The following TUBGCP5 variants were observed in gnomAD, a reference collection of about 807,000 sequenced individuals.
The protein encoded by TUBGCP5 is tubulin gamma complex component 5, also known as gamma-tubulin complex component 5.
TUBGCP5 carries 98 observed loss-of-function variants against 134.7 expected under a neutral mutation model. The ratio of observed to expected loss-of-function variants is 0.73; its 90% CI spans 0.62 to 0.86. The LOEUF (loss-of-function observed/expected upper bound fraction) is 0.86. TUBGCP5 is among the 40% of genes least tolerant of loss of function. The pLI is 0.00. For synonymous variants in TUBGCP5, 456 were observed against 431.4 expected (o/e 1.06, Z -0.71); for missense variants, 1,150 against 1,244.8 (o/e 0.92, Z 1.15).
intron 5 of TUBGCP5, 52 bp from the exon 6 acceptor site, chr15:23,031,072 C>T (rs998629382): frequency 4.7e-6 from 7 of 1,484,594 alleles, no homozygotes; most frequent in Non-Finnish European, 6.3e-6. Context: ...ACACTTAAAG[C>T]TATTTACATT....
At chr15:23,030,391 C>A (rs1010771119) in intron 6 of TUBGCP5, among the ~76,000 whole-genome samples, 1 of 152,164 alleles carries the variant, frequency 6.6e-6, no homozygotes, top group Non-Finnish European at 1.5e-5. Context: ...CCCTCAGTAT[C>A]CAATGGGGAC....
chr15:23,021,744 A>G (rs2140548847), intron 11 of TUBGCP5, among the ~76,000 whole-genome samples: 1 of 152,344 alleles, frequency 6.6e-6, no homozygotes, highest in Non-Finnish European at 1.5e-5. Context: ...TACTTCTCAC[A>G]GCTTGCCTTG....
Position 23,011,329 on chromosome 15 carries a change from CATCTGAAACATAAAGAA to C in TUBGCP5, c.1757-15_1758del, listed in dbSNP as rs753484455. 6.2e-7 allele frequency: 1 copy of C among 1,607,226 alleles called. No individual in the cohort carries two copies. Among genetic ancestry groups the C allele is most frequent in the African/African-American group, 1.3e-5 (1 of 74,740 alleles). On this transcript the variant is annotated splice_acceptor_variant and splice_polypyrimidine_tract_variant and coding_sequence_variant and intron_variant, in exon 14 of 23. Transcript: ENST00000615383. LOFTEE classifies it high-confidence loss of function. ...AGAGTGTATAAACTTTTTCTTTCTG[CATCTGAAACATAAAGAA>C]ATATGTAAGGTGAACTAAGTTCTGT...
At chr15:23,035,309 G>A (rs1384985759) in intron 3 of TUBGCP5, among the ~76,000 whole-genome samples, 6 of 143,160 alleles carry the variant, frequency 4.2e-5, no homozygotes, top group Non-Finnish European at 7.5e-5. Flanking sequence ...AAGCCTGGGT[G>A]ACAAAGTGAC....
At chr15:23,024,376 T>G in intron 9 of TUBGCP5, 183 bp from the exon 10 acceptor site, 1 of 614,918 alleles carries the variant, frequency 1.6e-6, no homozygotes, top group Non-Finnish European at 2.5e-6. Context: ...GAACAATAAT[T>G]TCAACAGACT....
rs551371417 is a variant in TUBGCP5 at position 23,034,781 on chromosome 15, T to C, written c.310-1957A>G. 3.9e-5 allele frequency among the ~76,000 whole-genome samples: 6 copies of C among 152,042 alleles called. No homozygotes were observed. The South Asian group carries it at 1.2e-3, about 32-fold the overall frequency. On this transcript the variant is annotated intron_variant, in intron 3 of 22. Coordinates refer to ENST00000615383, the MANE Select transcript of TUBGCP5 (RefSeq NM_052903.6). Reference sequence around the variant, plus strand: ...GGCTGAGGCTGCAGTGAGCTGAGATTGCACCATTGCATTCCAGCCTGGGCA... The same window carrying C: ...GGCTGAGGCTGCAGTGAGCTGAGATCGCACCATTGCATTCCAGCCTGGGCA...
At chr15:22,995,206 T>C (rs1376062833), downstream of TUBGCP5, among the ~76,000 whole-genome samples, 1 of 151,594 alleles carries the variant, frequency 6.6e-6, no homozygotes, top group Admixed American at 6.6e-5. Flanking sequence ...ATCACACCAT[T>C]GCACTCCAGC....
Position 23,038,251 on chromosome 15 carries a change from CAT to C in TUBGCP5, c.147-1101_147-1100del, listed in dbSNP as rs570106502. ...AATAAAATTACACTACTGAAAAACA[CAT>C]GATTCTAGGCCAGTAAATGGGTGAA... On this transcript the variant is annotated intron_variant, in intron 1 of 22. Transcript: ENST00000615383. Among the ~76,000 whole-genome samples the C allele has an allele frequency of 2.2e-3, 329 of 152,216 alleles. 2 individuals carry two copies. The highest frequency in any genetic ancestry group is 4.6e-3 in the East Asian group (24 of 5,182).
intron 11 of TUBGCP5, among the ~76,000 whole-genome samples, chr15:23,020,484 G>A (rs183360705): frequency 6.6e-6 from 1 of 151,334 alleles, no homozygotes; most frequent in Non-Finnish European, 1.5e-5. Context: ...TACTCAGGGG[G>A]CTGAGGCAGA....
At chr15:22,995,886 G>A (rs1055107541), downstream of TUBGCP5, among the ~76,000 whole-genome samples, 2 of 152,102 alleles carry the variant, frequency 1.3e-5, no homozygotes, top group Non-Finnish European at 2.9e-5. Flanking sequence ...GAATAATAAC[G>A]GATCCTTTTA....
At chr15:22,988,347 C>T (rs1000559956) in intron 23 of TUBGCP5, among the ~76,000 whole-genome samples, 7 of 151,854 alleles carry the variant, frequency 4.6e-5, no homozygotes, top group African/African-American at 9.7e-5. Context: ...TGGCAGCCCC[C>T]GAAACTGAGC....
At chr15:22,994,666 A>G (rs1393327730), downstream of TUBGCP5, among the ~76,000 whole-genome samples, 1 of 152,230 alleles carries the variant, frequency 6.6e-6, no homozygotes, top group African/African-American at 2.4e-5. Flanking sequence ...CACTATAAAC[A>G]TTTGTGTACA....
intron 3 of TUBGCP5, 68 bp from the exon 4 acceptor site, chr15:23,032,892 A>C: frequency 2.5e-6 from 3 of 1,189,880 alleles, no homozygotes; most frequent in East Asian, 2.6e-5. Context: ...GATTGAGTAA[A>C]GATAACTCCA....
chr15:23,037,179 T>G, intron 1 of TUBGCP5, 27 bp from the exon 2 acceptor site: 1 of 1,609,624 alleles, frequency 6.2e-7, no homozygotes, highest in South Asian at 1.1e-5. Flanking sequence ...GCAATTCTTA[T>G]GCCAACTCTG....
At chr15:23,021,481 C>A (rs1338617676) in intron 11 of TUBGCP5, among the ~76,000 whole-genome samples, 2 of 152,154 alleles carry the variant, frequency 1.3e-5, no homozygotes, top group Non-Finnish European at 2.9e-5. Context: ...TGTGCCTGAC[C>A]CTCAGCATTT....
chr15:23,024,239 A>C, intron 9 of TUBGCP5, 46 bp from the exon 10 acceptor site: 1 of 1,589,722 alleles, frequency 6.3e-7, no homozygotes, highest in Non-Finnish European at 8.6e-7. Flanking sequence ...GTCTTCTGTA[A>C]ACATTCAAAT....
chr15:23,024,712 A>G (rs756059114), intron 9 of TUBGCP5, 25 bp downstream of exon 9: 4 of 1,203,154 alleles, frequency 3.3e-6, no homozygotes, highest in Non-Finnish European at 4.7e-6. Flanking sequence ...TATTTCTTAA[A>G]TTACCATAAA....
In TUBGCP5 at chr15:23,010,775, T is replaced by C. The variant is rs2064990109; in HGVS notation, c.1955+358A>G. On this transcript the variant is annotated intron_variant, in intron 14 of 22. Transcript: ENST00000615383. ...GGGCAGATCACCTGAGGTCAGGAGTTCGAGGCAAGCCTGGCCAACAGGAGG... is the reference window on the plus strand; with the variant it reads ...GGGCAGATCACCTGAGGTCAGGAGTCCGAGGCAAGCCTGGCCAACAGGAGG... 2.0e-5 allele frequency among the ~76,000 whole-genome samples: 3 copies of C among 152,026 alleles called. No homozygotes were observed. In the South Asian group the frequency reaches 6.2e-4, roughly 32 times the overall value.
Position 23,030,942 on chromosome 15 carries a change from T to A in TUBGCP5, c.565A>T (p.Thr189Ser). 4 of 1,613,728 alleles carry A rather than the reference T, an allele frequency of 2.5e-6. No homozygotes were observed. Among genetic ancestry groups the A allele is most frequent in the Non-Finnish European group, 3.4e-6 (4 of 1,179,886 alleles). ...REDSGIQVDR[T>S]PLEEQDQNRK... is the part of the protein sequence containing the mutation. ...TTTTGATCTTGTTCTTCTAACGGTG[T>A]CCTGTCTACCTGAATTCCAGAGTCC... The change falls in exon 6 of 23, where the codon ACA (threonine) becomes TCA (serine). Residue 189 changes from threonine (T) to serine (S), a missense_variant. Transcript: ENST00000615383.
Sources: allele counts gnomAD v4.1 joint callset (sites outside exome capture counted in the v4.1 genomes callset), GRCh38; gene constraint gnomAD v4.1.1; transcripts MANE v1.5; gene names NCBI Gene and HGNC (gene_info 2026-07-23, HGNC 2026-07-21).